Variants in GFPT1 observed in about 807,000 individuals in gnomAD.
The protein encoded by GFPT1 is glutamine--fructose-6-phosphate aminotransferase [isomerizing] 1.
GFPT1 carries 40 observed loss-of-function variants against 92.0 expected under a neutral mutation model. That is an observed-to-expected ratio of 0.43 (90% confidence interval 0.34 to 0.57). The LOEUF (loss-of-function observed/expected upper bound fraction) is 0.57, where lower values mean the gene tolerates loss of function less well. Among genes scored for constraint, GFPT1 ranks in the 20% least tolerant of loss-of-function variants. The probability of loss-of-function intolerance (pLI) is 0.02; values close to 1 mark genes in which losing one functional copy is unlikely to be tolerated. For synonymous variants in GFPT1, 269 were observed against 280.6 expected, an observed-to-expected ratio of 0.96 and a Z score of 0.41; for missense variants, 448 against 869.1, an observed-to-expected ratio of 0.52 and a Z score of 6.09.
intron 17 of GFPT1, among the ~76,000 whole-genome samples, chr2:69,328,718 T>TA (rs55767294): frequency 2.6e-5 from 4 of 151,486 alleles, no homozygotes; most frequent in African/African-American, 9.7e-5. Context: ...TTTTTTTTTT[T>TA]AAGACAGAGT....
chr2:69,346,080 T>C (rs2104631425), intron 11 of GFPT1, 81 bp from the exon 12 acceptor site: 1 of 815,896 alleles, frequency 1.2e-6, no homozygotes, highest in Non-Finnish European at 2.1e-6. Flanking sequence ...TTTCCTTTAA[T>C]ATAATCTTGG....
chr2:69,351,578 T>C (rs1044794367), intron 9 of GFPT1, among the ~76,000 whole-genome samples: 1 of 152,220 alleles, frequency 6.6e-6, no homozygotes, highest in African/African-American at 2.4e-5. Flanking sequence ...TACACATGTA[T>C]TGAAATATAC....
Position 69,337,954 on chromosome 2 carries a change from T to A in GFPT1, c.1426A>T (p.Thr476Ser). The A allele has an allele frequency of 6.2e-7, 1 of 1,613,852 alleles. No homozygotes were observed. The highest frequency in any genetic ancestry group is 8.5e-7 in the Non-Finnish European group (1 of 1,179,746). The change falls in exon 15 of 20, where the codon ACA becomes TCA. Residue 476 changes from threonine (T) to serine (S), a missense_variant. Thr to Ser is a moderately conservative substitution (Grantham distance 58). Transcript: ENST00000357308. ...GCATTAATATGAACTCCACAATCTG[T>A]CTCCCGTGATATGGAACTGCCAACT... The part of the protein sequence containing the change: ...NTVGSSISRE[T>S]DCGVHINAGP...
chr2:69,330,571 T>C (rs1558729601), intron 15 of GFPT1, among the ~76,000 whole-genome samples: 1 of 147,952 alleles, frequency 6.8e-6, no homozygotes, highest in Non-Finnish European at 1.5e-5. Flanking sequence ...ATGTTTTAAG[T>C]TTGCATTAAA....
In GFPT1 at chr2:69,363,556, T is replaced by C. The variant is rs539052842; in HGVS notation, c.338A>G (p.Asp113Gly). Residue 113 changes from aspartate (D) to glycine (G), a missense_variant, in exon 4 of 20, where the codon GAT becomes GGT. Asp to Gly is a moderately conservative substitution (Grantham distance 94). Around this residue, in one of 7 missense-constraint regions of GFPT1, gnomAD observed 118 missense variants for 192.9 expected, o/e 0.61. Transcript: ENST00000357308. ...AAATCTTTCCATACCATTATTTTTA[T>C]CAGAGCGCTGGGGGTGGCTATTGAC... ...SPVNSHPQRS[D>G]KNNEFIVIHN... 5.6e-6 allele frequency: 9 copies of C among 1,614,172 alleles called. No homozygotes were observed. The highest frequency in any genetic ancestry group is 7.6e-6 in the Non-Finnish European group (9 of 1,179,986).
rs1302361522 is a variant in GFPT1 at position 69,346,308 on chromosome 2, G to C, written c.1010-309C>G. 2.0e-5 allele frequency among the ~76,000 whole-genome samples: 3 copies of C among 151,806 alleles called. No homozygotes were observed. The East Asian group carries it at 5.8e-4, about 29-fold the overall frequency. Reference sequence around the variant, plus strand: ...GGCTGGAGTGGAGTGGCATGATGTAGGCTCACTGCAATCTTGGCCTCCTGG... The same window carrying C: ...GGCTGGAGTGGAGTGGCATGATGTACGCTCACTGCAATCTTGGCCTCCTGG... On this transcript the variant is annotated intron_variant, in intron 11 of 19. Coordinates refer to ENST00000357308, the MANE Select transcript of GFPT1 (RefSeq NM_001244710.2).
intron 15 of GFPT1, among the ~76,000 whole-genome samples, chr2:69,333,910 C>A (rs1670732274): frequency 6.6e-6 from 1 of 152,226 alleles, no homozygotes; most frequent in Non-Finnish European, 1.5e-5. Flanking sequence ...GTAATCCCAG[C>A]ACTTTGGGAG....
At chr2:69,328,114 A>C (rs1037511581) in intron 18 of GFPT1, among the ~76,000 whole-genome samples, 157 bp downstream of exon 18, 6 of 151,756 alleles carry the variant, frequency 4.0e-5, no homozygotes, top group Non-Finnish European at 8.8e-5. Flanking sequence ...AAAAAAAAAA[A>C]ACTCTTAAGT....
At chr2:69,374,304 C>T (rs1375674040) in intron 1 of GFPT1, among the ~76,000 whole-genome samples, 191 bp from the exon 2 acceptor site, 1 of 141,476 alleles carries the variant, frequency 7.1e-6, no homozygotes, top group African/African-American at 2.8e-5. Context: ...TCAAAATACA[C>T]ATTTATAATT....
intron 12 of GFPT1, among the ~76,000 whole-genome samples, chr2:69,344,721 G>A (rs1671042481): frequency 6.6e-6 from 1 of 151,080 alleles, no homozygotes; most frequent in Non-Finnish European, 1.5e-5. Flanking sequence ...AGAGCTCACT[G>A]CAGCCTCGAT....
intron 4 of GFPT1, among the ~76,000 whole-genome samples, chr2:69,361,807 C>T (rs932487358): frequency 2.0e-5 from 3 of 152,030 alleles, no homozygotes; most frequent in South Asian, 2.1e-4. Context: ...AGCAAGACCC[C>T]TATCTCTACA....
rs6546505 is a variant in GFPT1 at position 69,359,161 on chromosome 2, A to C, written c.408+107T>G. The C allele has an allele frequency of 0.6, 439,703 of 734,698 alleles. 134,424 individuals carry two copies. The highest frequency in any genetic ancestry group is 0.85 in the African/African-American group (48,996 of 57,794). The allele number at this position is 734,698 out of a possible 1,614,324, so 45.5% of individuals were successfully genotyped here. ...GCCCTTGGAATTGTCCAAGAAATTA[A>C]TTGATGACACACATATGGTGTTTGT... On this transcript the variant is annotated intron_variant, in intron 5 of 19. Coordinates refer to ENST00000357308, the MANE Select transcript of GFPT1 (RefSeq NM_001244710.2).
chr2:69,328,126 T>A, intron 18 of GFPT1, 145 bp downstream of exon 18: 1 of 646,292 alleles, frequency 1.5e-6, no homozygotes, highest in Non-Finnish European at 2.8e-6. Flanking sequence ...CTCTTAAGTA[T>A]CTGATTCCTC....
At chr2:69,373,868 A>G in intron 2 of GFPT1, 138 bp downstream of exon 2, 1 of 540,134 alleles carries the variant, frequency 1.9e-6, no homozygotes, top group South Asian at 1.9e-5. Flanking sequence ...TCCTTTAAAT[A>G]TGATAAAAGA....
At chr2:69,330,971 G>A (rs1670648883) in intron 15 of GFPT1, among the ~76,000 whole-genome samples, 1 of 152,090 alleles carries the variant, frequency 6.6e-6, no homozygotes, top group Non-Finnish European at 1.5e-5. Flanking sequence ...CTGACACACA[G>A]GCTCAAAACG....
At chr2:69,330,553 C>A (rs1670635311) in intron 15 of GFPT1, among the ~76,000 whole-genome samples, 1 of 146,506 alleles carries the variant, frequency 6.8e-6, no homozygotes. Context: ...TTCCTCAATC[C>A]CAGTTTTATG....
intron 12 of GFPT1, 75 bp from the exon 13 acceptor site, chr2:69,342,324 C>T: frequency 1.2e-6 from 1 of 858,398 alleles, no homozygotes; most frequent in East Asian, 2.4e-5. Context: ...TTGTGAGTAT[C>T]CACTGCCAAT....
At position 69,324,406 on chromosome 2, in the gene GFPT1, A is replaced by G. The variant is rs1670484094; in HGVS notation, c.*1783T>C. On this transcript the variant is annotated 3_prime_UTR_variant, in exon 20 of 20. Transcript: ENST00000357308. The stretch of plus-strand genomic sequence containing the variant: ...AAACATAAGAAATGACACTATACAC[A>G]CGCTAGCTGACTTACACAAAATAAT... The G allele has an allele frequency of 6.6e-6, 1 of 152,164 alleles. No individual in the cohort carries two copies. The highest frequency in any genetic ancestry group is 1.5e-5 in the Non-Finnish European group (1 of 68,026). The allele number at this position is 152,164 out of a possible 1,614,324, so 9.4% of individuals were successfully genotyped here. A position where few individuals can be genotyped will look rare whatever the true frequency, so the allele number is the denominator to read the frequency against.
chr2:69,334,065 A>G, intron 15 of GFPT1, among the ~76,000 whole-genome samples: 1 of 152,344 alleles, frequency 6.6e-6, no homozygotes, highest in South Asian at 2.1e-4. Context: ...CTGAGGCAGG[A>G]GAATCACTTG....
Sources: gnomAD v4.1 joint callset for allele counts (sites outside exome capture counted in the v4.1 genomes callset) on GRCh38, gnomAD v4.1.1 for gene constraint, gnomAD v4.1.1 regional missense constraint, MANE v1.5 for transcripts, NCBI Gene and HGNC (gene_info 2026-07-23, HGNC 2026-07-21) for gene names.